TTC12: variants seen among roughly 807,000 people sequenced by gnomAD.
TTC12 encodes the protein tetratricopeptide repeat domain 12, also known as tetratricopeptide repeat protein 12.
A neutral mutation model predicts 90.1 loss-of-function variants in TTC12; 70 were observed. That is an observed-to-expected ratio of 0.78 (90% CI 0.64 to 0.95). The LOEUF (loss-of-function observed/expected upper bound fraction) is 0.95. Among genes scored for constraint, TTC12 ranks in the 40% least tolerant of loss-of-function variants. TTC12 has a pLI of 0.00. For missense variants in TTC12, 819 were observed against 846.1 expected (o/e 0.97, Z 0.40); for synonymous variants, 296 against 311.5 (o/e 0.95, Z 0.53).
chr11:113,372,550 C>CA (rs1300575525), intron 21 of TTC12, among the ~76,000 whole-genome samples: 4 of 152,214 alleles, frequency 2.6e-5, no homozygotes, highest in Admixed American at 2.6e-4. Flanking sequence ...ATAAAGCACT[C>CA]ACATTATTGT....
chr11:113,364,053 A>G lies in TTC12; in HGVS notation c.1816+126A>G, dbSNP rs719804. The G allele has an allele frequency of 0.22, 141,435 of 633,980 alleles. 16,576 individuals carry two copies. Among genetic ancestry groups the G allele is most frequent in the Non-Finnish European group, 0.25 (88,849 of 361,148 alleles). 39.3% of individuals were successfully genotyped at this position (633,980 alleles called of 1,614,324 possible). A position where few individuals can be genotyped will look rare whatever the true frequency, so the allele number is the denominator to read the frequency against. On this transcript the variant is annotated intron_variant, in intron 20 of 21. Coordinates refer to ENST00000529221, the MANE Select transcript of TTC12 (RefSeq NM_017868.4). Reference sequence around the variant, plus strand: ...TGTTAACCTCTCCCAGACTTCAGCAATGTTTACAGAAGATGTTTCACATCC... The same window carrying G: ...TGTTAACCTCTCCCAGACTTCAGCAGTGTTTACAGAAGATGTTTCACATCC...
At chr11:113,367,920 G>A (rs537841072), downstream of TTC12, among the ~76,000 whole-genome samples, 1 of 152,348 alleles carries the variant, frequency 6.6e-6, no homozygotes, top group Non-Finnish European at 1.5e-5. Context: ...AATTGCAAAG[G>A]GAGAACGGCT....
At chr11:113,352,346 C>G in intron 16 of TTC12, 139 bp downstream of exon 16, 2 of 1,025,804 alleles carry the variant, frequency 1.9e-6, no homozygotes, top group African/African-American at 3.3e-5. Flanking sequence ...TCTGTAACCA[C>G]GGATTTTATG....
At chr11:113,316,173 G>A in intron 1 of TTC12, 70 bp from the exon 2 acceptor site, 2 of 663,030 alleles carry the variant, frequency 3.0e-6, no homozygotes, top group Non-Finnish European at 4.6e-6. Flanking sequence ...GTTTTAGAAG[G>A]CTAATAAGCC....
At chr11:113,320,755 T>A (rs1555138023) in intron 2 of TTC12, among the ~76,000 whole-genome samples, 1 of 152,238 alleles carries the variant, frequency 6.6e-6, no homozygotes, top group Admixed American at 6.5e-5. Context: ...CGTGCCCAAC[T>A]GGGCTCCTGC....
At chr11:113,320,611 G>A (rs1555137918) in intron 2 of TTC12, among the ~76,000 whole-genome samples, 1 of 152,144 alleles carries the variant, frequency 6.6e-6, no homozygotes, top group Non-Finnish European at 1.5e-5. Flanking sequence ...GATTCTTCCG[G>A]GGATGCTGGG....
Position 113,366,274 on chromosome 11 carries a change from A to G in TTC12, c.2092A>G (p.Thr698Ala), listed in dbSNP as rs1950207275. 5.6e-6 allele frequency: 9 copies of G among 1,613,808 alleles called. 1 individual carries two copies. The highest frequency in any genetic ancestry group is 7.6e-6 in the Non-Finnish European group (9 of 1,180,026). ...TCATGGCCTAGAAATTCTCAACTCTACGATGAAATACATCAGTGATTCTTG... is the reference window on the plus strand; with the variant it reads ...TCATGGCCTAGAAATTCTCAACTCTGCGATGAAATACATCAGTGATTCTTG... Reference protein sequence around the residue: ...KLHGLEILNSTMKYISDS With the variant: ...KLHGLEILNSAMKYISDS The change falls in exon 22 of 22, where the codon ACG (threonine) becomes GCG (alanine). Residue 698 changes from threonine (T) to alanine (A), a missense_variant. Physicochemically the swap from Thr to Ala is moderately conservative, Grantham distance 58. Transcript: ENST00000529221.
rs753535759 is a variant in TTC12, at chr11:113,364,985, G to T, written c.1967G>T (p.Gly656Val). Residue 656 changes from glycine to valine, a missense_variant, in exon 21 of 22, where the codon GGC (glycine) becomes GTC (valine). Physicochemically the swap from Gly to Val is moderately radical, Grantham distance 109. Transcript: ENST00000529221. ...TTGCAGGTCTTGTTAAAGCTTGCAG[G>T]CAGTGACACACAGAAGACGGCCGTG... ...DLLQVLLKLA[G>V]SDTQKTAVQV... 6.8e-6 allele frequency: 11 copies of T among 1,614,168 alleles called. No homozygotes were observed. The South Asian group carries it at 7.7e-5, about 11-fold the overall frequency.
At chr11:113,316,378 C>A in intron 2 of TTC12, 63 bp downstream of exon 2, 1 of 795,786 alleles carries the variant, frequency 1.3e-6, no homozygotes, top group Non-Finnish European at 1.9e-6. Context: ...TAAATGATTG[C>A]TCTAAGTTCC....
downstream of TTC12, chr11:113,368,430 C>G (rs1950283538): frequency 3.2e-6 from 5 of 1,550,378 alleles, no homozygotes; most frequent in Non-Finnish European, 4.4e-6. Context: ...GCCAGGAGCC[C>G]CGACACCACC....
chr11:113,339,553 A>G, intron 10 of TTC12, 79 bp downstream of exon 10: 3 of 1,276,332 alleles, frequency 2.4e-6, no homozygotes, highest in Non-Finnish European at 3.3e-6. Flanking sequence ...TTACCAGGCC[A>G]AGAATCCCTC....
At chr11:113,343,371 A>T (rs528963730) in intron 12 of TTC12, among the ~76,000 whole-genome samples, 2 of 152,372 alleles carry the variant, frequency 1.3e-5, no homozygotes, top group African/African-American at 4.8e-5. Context: ...AGAAATCAGT[A>T]GATCCTATCT....
chr11:113,333,806 T>G (rs1034618129), intron 7 of TTC12, among the ~76,000 whole-genome samples: 41 of 152,230 alleles, frequency 2.7e-4, no homozygotes, highest in African/African-American at 9.9e-4. Flanking sequence ...CTCCAACAAT[T>G]ATTGTTCTCT....
chr11:113,326,975 A>G (rs555975767), intron 6 of TTC12, among the ~76,000 whole-genome samples: 192 of 152,360 alleles, frequency 1.3e-3, no homozygotes, highest in Middle Eastern at 3.4e-3. Context: ...AGCAATTAAT[A>G]GAATAATTAT....
intron 2 of TTC12, among the ~76,000 whole-genome samples, chr11:113,322,759 G>A (rs569231223): frequency 6.6e-6 from 1 of 152,220 alleles, no homozygotes; most frequent in South Asian, 2.1e-4. Context: ...TGTCTGTTAG[G>A]TGAGATAGCA....
chr11:113,365,455 C>T, intron 21 of TTC12: 1 of 228,224 alleles, frequency 4.4e-6, no homozygotes, highest in South Asian at 7.5e-5. Flanking sequence ...AAACAGACCC[C>T]CCACTTCATG....
At chr11:113,361,229 A>G (rs1949904625) in intron 18 of TTC12, among the ~76,000 whole-genome samples, 1 of 152,220 alleles carries the variant, frequency 6.6e-6, no homozygotes, top group Non-Finnish European at 1.5e-5. Flanking sequence ...AACAAGATTG[A>G]TAATACACAA....
Position 113,325,507 on chromosome 11 carries a change from A to G in TTC12, c.323-17A>G. On this transcript the variant is annotated splice_polypyrimidine_tract_variant and intron_variant, in intron 5 of 21. Transcript: ENST00000529221. ...ATGTGTGGTGAGAGCTCACCTGTGT[A>G]ACTTATATTCCCATAGCCCTAAAAG... 2 of 1,613,482 alleles carry G rather than the reference A, an allele frequency of 1.2e-6. No homozygotes were observed. The highest frequency in any genetic ancestry group is 1.7e-6 in the Non-Finnish European group (2 of 1,179,558).
chr11:113,336,713 ATGTC>A (rs1256386803), intron 8 of TTC12, among the ~76,000 whole-genome samples: 1 of 152,174 alleles, frequency 6.6e-6, no homozygotes, highest in African/African-American at 2.4e-5. Context: ...ATTGATCTAC[ATGTC>A]TGTCCTTGTG....
Sources: allele counts gnomAD v4.1 joint callset (sites outside exome capture counted in the v4.1 genomes callset), GRCh38; gene constraint gnomAD v4.1.1; transcripts MANE v1.5; gene names NCBI Gene and HGNC (gene_info 2026-07-23, HGNC 2026-07-21).